The following ELP2 variants were observed in gnomAD, a reference collection of about 807,000 sequenced individuals.
The protein encoded by ELP2 is elongator acetyltransferase complex subunit 2.
A neutral mutation model predicts 119.2 loss-of-function variants in ELP2; 90 were observed. The ratio of observed to expected loss-of-function variants is 0.75; its 90% CI spans 0.64 to 0.90. The LOEUF (loss-of-function observed/expected upper bound fraction) is 0.90. ELP2 is among the 40% of genes least tolerant of loss of function. The pLI is 0.00. For synonymous variants in ELP2, 339 were observed against 331.0 expected (o/e 1.02, Z -0.26); for missense variants, 921 against 967.8 (o/e 0.95, Z 0.64).
chr18:36,131,742 C>G (rs540238453), intron 1 of ELP2, among the ~76,000 whole-genome samples: 1 of 152,316 alleles, frequency 6.6e-6, no homozygotes, highest in South Asian at 2.1e-4. Context: ...GTACTTAACA[C>G]ACTGAAATGA....
chr18:36,138,291 C>T lies in ELP2; in HGVS notation c.310C>T (p.Gln104Ter), dbSNP rs2089903291. The T allele has an allele frequency of 6.2e-6, 10 of 1,614,124 alleles. No individual in the cohort carries two copies. Among genetic ancestry groups the T allele is most frequent in the Non-Finnish European group, 8.5e-6 (10 of 1,180,002 alleles). ...DNQLLKAVHL[Q>*]GHEGPVYAVH... is the part of the protein sequence containing the mutation. ...TCAGCTTTTAAAAGCAGTGCATCTT[C>T]AAGGCCATGAAGGACCTGTTTATGC... is the stretch of plus-strand genomic sequence containing the variant. Residue 104 changes from glutamine to a stop codon, truncating the protein, a stop_gained, in exon 4 of 22, where the codon CAA (glutamine) becomes TAA (stop). Transcript: ENST00000358232. LOFTEE classifies it high-confidence loss of function.
chr18:36,133,302 G>A lies in ELP2; in HGVS notation c.203G>A (p.Cys68Tyr), dbSNP rs937218093. Residue 68 changes from cysteine to tyrosine, a missense_variant, in exon 2 of 22, where the codon TGT becomes TAT. Coordinates refer to ENST00000358232, the MANE Select transcript of ELP2 (RefSeq NM_018255.4). The stretch of plus-strand genomic sequence containing the variant: ...CGAGTCAATTGCATACAGTGGATTT[G>A]TAAACAGGATGGCTGTAAGTATTAA... ...TARVNCIQWI[C>Y]KQDGSPSTEL... 6.2e-7 allele frequency: 1 copy of A among 1,613,052 alleles called. No homozygotes were observed. The highest frequency in any genetic ancestry group is 8.5e-7 in the Non-Finnish European group (1 of 1,179,022).
At position 36,146,347 on chromosome 18, in the gene ELP2, C is replaced by T. The variant is rs762251813; in HGVS notation, c.1091C>T (p.Ala364Val). The change falls in exon 11 of 22, where the codon GCG (alanine) becomes GTG (valine). Residue 364 changes from alanine to valine, a missense_variant. By Grantham distance (64) the Ala-to-Val change is moderately conservative. Transcript: ENST00000358232. ...SMIIAHAFHG[A>V]LHLWKQNTVN... The stretch of plus-strand genomic sequence containing the variant: ...ATCATTGCTCATGCTTTCCACGGAG[C>T]GTTGCACCTTTGGAAACAGAATACA... 14 of 1,613,958 alleles carry T rather than the reference C, an allele frequency of 8.7e-6. No individual in the cohort carries two copies. Among genetic ancestry groups the T allele is most frequent in the South Asian group, 4.4e-5 (4 of 91,084 alleles).
rs1555645880 is a variant in ELP2, at chr18:36,166,331, T to TTTG, written c.1955-768_1955-767insGTT. ...TTTGTTTTTTAGGGTTTTTTTTTTT[T>TTTG]TTTTTTTTTTTTTTTTCAGACGGAG... On this transcript the variant is annotated intron_variant, in intron 18 of 21. Coordinates refer to ENST00000358232, the MANE Select transcript of ELP2 (RefSeq NM_018255.4). 5.2e-4 allele frequency among the ~76,000 whole-genome samples: 62 copies of TTTG among 119,040 alleles called. 1 individual carries two copies. The highest frequency in any genetic ancestry group is 8.3e-4 in the Non-Finnish European group (48 of 57,772). The allele number at this position is 119,040 out of a possible 152,430, so 78.1% of individuals were successfully genotyped here. A position where few individuals can be genotyped will look rare whatever the true frequency, so the allele number is the denominator to read the frequency against.
rs557032265 is a variant in ELP2, at chr18:36,148,629, C to T, written c.1125+2248C>T. Among the ~76,000 whole-genome samples the T allele has an allele frequency of 4.6e-5, 7 of 152,146 alleles. No homozygotes were observed. In the East Asian group the frequency reaches 9.7e-4, roughly 21 times the overall value. On this transcript the variant is annotated intron_variant, in intron 11 of 21. Transcript: ENST00000358232. ...ATCCCAGCACTTTGGGAGGCCAAGG[C>T]GGGAGGATTATTTGAGCCCAGGAGC...
chr18:36,156,360 C>A, intron 12 of ELP2, 106 bp from the exon 13 acceptor site: 1 of 1,094,772 alleles, frequency 9.1e-7, no homozygotes, highest in Non-Finnish European at 1.4e-6. Context: ...GAATATTTGC[C>A]CCATGGTTAT....
Position 36,161,022 on chromosome 18 carries a change from T to C in ELP2, c.1761+18T>C. ...CTTGTAAGGTAGGGAAGTTTACTTT[T>C]GATTCTGCTTGGTCACAGGTTATTT... On this transcript the variant is annotated intron_variant, in intron 17 of 21. Transcript: ENST00000358232. 1 of 1,596,196 alleles carries C rather than the reference T, an allele frequency of 6.3e-7. No homozygotes were observed. Among genetic ancestry groups the C allele is most frequent in the Non-Finnish European group, 8.6e-7 (1 of 1,163,774 alleles).
At chr18:36,147,522 C>T (rs940585460) in intron 11 of ELP2, among the ~76,000 whole-genome samples, 2 of 152,072 alleles carry the variant, frequency 1.3e-5, no homozygotes, top group Non-Finnish European at 2.9e-5. Context: ...TCAAGTGATT[C>T]TTCTGCCTCA....
chr18:36,172,571 G>A (rs1467906137), intron 21 of ELP2, among the ~76,000 whole-genome samples: 1 of 152,202 alleles, frequency 6.6e-6, no homozygotes, highest in African/African-American at 2.4e-5. Context: ...GCTGGGTTTA[G>A]CAGTTGAACT....
At chr18:36,160,887 A>G (rs374909261) in intron 16 of ELP2, 45 bp from the exon 17 acceptor site, 2 of 1,291,500 alleles carry the variant, frequency 1.5e-6, no homozygotes, top group Admixed American at 3.4e-5. Context: ...TGGCATGAGA[A>G]TAGATTCATT....
chr18:36,130,173 A>G (rs1232308009), intron 1 of ELP2, 102 bp downstream of exon 1: 21 of 1,509,134 alleles, frequency 1.4e-5, no homozygotes, highest in Non-Finnish European at 1.5e-5. Flanking sequence ...CTAGGAGGCG[A>G]GTCGGGTCGG....
At chr18:36,166,117 C>T (rs1360330105) in intron 18 of ELP2, among the ~76,000 whole-genome samples, 1 of 151,358 alleles carries the variant, frequency 6.6e-6, no homozygotes, top group Non-Finnish European at 1.5e-5. Flanking sequence ...TGCATGAACC[C>T]AGGAGATAAA....
At chr18:36,144,352 C>A (rs913765367) in intron 8 of ELP2, among the ~76,000 whole-genome samples, 2 of 152,022 alleles carry the variant, frequency 1.3e-5, no homozygotes, top group African/African-American at 4.8e-5. Flanking sequence ...AAGAACTTCC[C>A]AAGACTGGGT....
chr18:36,136,490 A>T (rs1366709285), intron 3 of ELP2, 113 bp downstream of exon 3: 14 of 843,642 alleles, frequency 1.7e-5, no homozygotes, highest in African/African-American at 1.3e-4. Flanking sequence ...ATCGTGGCTC[A>T]CCTCAGCCTC....
chr18:36,141,057 C>A, intron 5 of ELP2, 80 bp from the exon 6 acceptor site: 1 of 1,148,890 alleles, frequency 8.7e-7, no homozygotes. Context: ...TTACTTAGAG[C>A]TTACAATCCA....
intron 5 of ELP2, among the ~76,000 whole-genome samples, chr18:36,139,953 A>T (rs2089964664): frequency 6.7e-6 from 1 of 150,344 alleles, no homozygotes; most frequent in Admixed American, 6.6e-5. Context: ...GGCTCAGGTG[A>T]TTTTCCCACC....
intron 20 of ELP2, 195 bp from the exon 21 acceptor site, chr18:36,170,852 C>A (rs1334061293): frequency 2.1e-5 from 13 of 607,432 alleles, no homozygotes; most frequent in Non-Finnish European, 3.5e-5. Flanking sequence ...ACAGATAAAT[C>A]TGTGTGCAGC....
At chr18:36,153,218 A>G (rs765167554) in intron 11 of ELP2, among the ~76,000 whole-genome samples, 9 of 151,886 alleles carry the variant, frequency 5.9e-5, no homozygotes, top group Non-Finnish European at 8.8e-5. Flanking sequence ...CAATGAACCA[A>G]CTCTTGGAGT....
intron 17 of ELP2, among the ~76,000 whole-genome samples, chr18:36,161,325 G>A (rs1005090708): frequency 3.3e-5 from 5 of 152,122 alleles, no homozygotes; most frequent in Non-Finnish European, 7.4e-5. Flanking sequence ...CCCCAGAGGT[G>A]GAAGTTGCAG....
Sources: gnomAD v4.1 joint callset for allele counts (sites outside exome capture counted in the v4.1 genomes callset) on GRCh38, gnomAD v4.1.1 for gene constraint, MANE v1.5 for transcripts, NCBI Gene and HGNC (gene_info 2026-07-23, HGNC 2026-07-21) for gene names.